CTNNA2: variants seen among roughly 807,000 people sequenced by gnomAD.
The protein encoded by CTNNA2 is catenin alpha-2.
CTNNA2 carries 42 observed loss-of-function variants against 101.0 expected under a neutral mutation model. The observed-to-expected ratio is 0.42, with a 90% confidence interval of 0.32 to 0.54. The LOEUF is 0.54. CTNNA2 is among the 20% of genes least tolerant of loss of function. The pLI, the probability that CTNNA2 is intolerant of heterozygous loss-of-function variation, is 0.14. For synonymous variants in CTNNA2, 450 were observed against 456.4 expected (o/e 0.99, Z 0.18); for missense variants, 871 against 1,223.1 (o/e 0.71, Z 4.29).
intron 14 of CTNNA2, among the ~76,000 whole-genome samples, chr2:80,587,540 G>A (rs899789543): frequency 2.0e-5 from 3 of 152,080 alleles, no homozygotes; most frequent in East Asian, 1.9e-4. Flanking sequence ...AGAGATCAAC[G>A]ATAGATCCAT....
chr2:80,342,678 A>T (rs1384073380), intron 7 of CTNNA2, among the ~76,000 whole-genome samples: 2 of 152,234 alleles, frequency 1.3e-5, no homozygotes, highest in Admixed American at 6.5e-5. Context: ...AAATTATGAA[A>T]AAAAATGCAG....
rs375393951 is a variant in CTNNA2 at position 79,858,080 on chromosome 2, C to T, written c.366C>T (p.Thr122=). The change falls in exon 4 of 19, where the codon ACC becomes ACT. Residue 122 remains threonine, a synonymous_variant. Coordinates refer to ENST00000402739, the MANE Select transcript of CTNNA2 (RefSeq NM_001282597.3). ...DDPCSSVKRG[T]MVRAARALLS... ...CTTGCTCGTCGGTAAAGCGCGGCAC[C>T]ATGGTACGGGCGGCAAGGGCTTTGC... The T allele has an allele frequency of 1.4e-4, 228 of 1,614,194 alleles. 1 individual carries two copies. The highest frequency in any genetic ancestry group is 1.9e-4 in the Non-Finnish European group (219 of 1,180,012).
At chr2:80,359,758 A>C (rs1301369663) in intron 7 of CTNNA2, among the ~76,000 whole-genome samples, 6 of 152,130 alleles carry the variant, frequency 3.9e-5, no homozygotes. Flanking sequence ...GAGCAGTGTA[A>C]GAATGGACTA....
intron 7 of CTNNA2, among the ~76,000 whole-genome samples, chr2:80,016,330 T>C (rs2104064033): frequency 6.6e-6 from 1 of 152,288 alleles, no homozygotes; most frequent in Non-Finnish European, 1.5e-5. Flanking sequence ...GCGACAGTGC[T>C]GAGCGCTGGG....
In CTNNA2 at chr2:80,302,848, G is replaced by T. The variant is rs1160421128; in HGVS notation, c.1057-90363G>T. 2 of 1,614,112 alleles carry T rather than the reference G, an allele frequency of 1.2e-6. No homozygotes were observed. The highest frequency in any genetic ancestry group is 8.5e-7 in the Non-Finnish European group (1 of 1,180,040). On this transcript the variant is annotated intron_variant, in intron 7 of 18. Coordinates refer to ENST00000402739, the MANE Select transcript of CTNNA2 (RefSeq NM_001282597.3). This position sits in a 1 kb window ranked among gnomAD's most constrained non-coding sequence, Gnocchi z 6.4. Reference sequence around the variant, plus strand: ...GGAAGTTGTTGAGCCACGAGGCTAGGGCACACACGTTGCGCCCGCAATCCC... The same window carrying T: ...GGAAGTTGTTGAGCCACGAGGCTAGTGCACACACGTTGCGCCCGCAATCCC...
intron 9 of CTNNA2, among the ~76,000 whole-genome samples, chr2:80,531,754 C>T (rs1202542265): frequency 6.6e-6 from 1 of 152,188 alleles, no homozygotes; most frequent in African/African-American, 2.4e-5. Flanking sequence ...TGTGCTTCTC[C>T]TCGATCCACT....
rs371732273 is a variant in CTNNA2, at chr2:79,767,673, C to A, written c.298+23091C>A. On this transcript the variant is annotated intron_variant, in intron 3 of 18. Coordinates refer to ENST00000402739, the MANE Select transcript of CTNNA2 (RefSeq NM_001282597.3). ...ATTATTAGGCAGAGACTCTTGTTCT[C>A]CTCCCTTCAAGGCAGCAAGTTTCCT... Among the ~76,000 whole-genome samples the A allele has an allele frequency of 2.0e-5, 3 of 151,946 alleles. No individual in the cohort carries two copies. In the East Asian group the frequency reaches 5.9e-4, roughly 30 times the overall value.
chr2:79,981,488 T>G (rs1691264863), intron 7 of CTNNA2, among the ~76,000 whole-genome samples: 2 of 152,182 alleles, frequency 1.3e-5, no homozygotes, highest in Admixed American at 6.6e-5. Context: ...ATTTGTTCAC[T>G]TACCATGAAA....
At chr2:79,540,226 G>A (rs10180019) in intron 1 of CTNNA2, among the ~76,000 whole-genome samples, 109,611 of 152,076 alleles carry the variant, frequency 0.72, 39,943 homozygotes, top group African/African-American at 0.83. Flanking sequence ...GGTTAGGGGT[G>A]TGGGCTGTGT....
At chr2:79,282,521 T>C (rs1317489651) in intron 2 of CTNNA2, among the ~76,000 whole-genome samples, 4 of 151,688 alleles carry the variant, frequency 2.6e-5, no homozygotes. Flanking sequence ...GGTTTTTTGT[T>C]CTTGCGATAG....
At chr2:79,395,699 C>A (rs1678222511) in intron 4 of CTNNA2, among the ~76,000 whole-genome samples, 1 of 152,146 alleles carries the variant, frequency 6.6e-6, no homozygotes, top group Non-Finnish European at 1.5e-5. Context: ...GAGAAAGTTT[C>A]ATCAGCTCTG....
intron 1 of CTNNA2, among the ~76,000 whole-genome samples, chr2:79,629,691 T>C (rs925038566): frequency 6.6e-6 from 1 of 152,170 alleles, no homozygotes; most frequent in African/African-American, 2.4e-5. Context: ...ACAGGCATTA[T>C]GATCTCAGTG....
chr2:79,566,785 G>A (rs912330156), intron 1 of CTNNA2, among the ~76,000 whole-genome samples: 4 of 151,848 alleles, frequency 2.6e-5, no homozygotes, highest in African/African-American at 9.7e-5. Flanking sequence ...ATATGTGCCC[G>A]GTGTGATAAT....
chr2:80,298,566 T>G (rs924728162), intron 7 of CTNNA2: 7 of 152,194 alleles, frequency 4.6e-5, no homozygotes, highest in Non-Finnish European at 1.0e-4. Flanking sequence ...GAGATCTGTG[T>G]GTACTTGCTT....
intron 1 of CTNNA2, among the ~76,000 whole-genome samples, chr2:79,629,293 A>G (rs768811219): frequency 1.3e-5 from 2 of 152,228 alleles, no homozygotes; most frequent in Non-Finnish European, 2.9e-5. Flanking sequence ...CTATCTTCAA[A>G]GCACCTGTTT....
intron 2 of CTNNA2, among the ~76,000 whole-genome samples, chr2:79,271,254 G>C (rs1675075507): frequency 6.6e-6 from 1 of 151,978 alleles, no homozygotes; most frequent in African/African-American, 2.4e-5. Context: ...ATAGAGCCTA[G>C]AGAAGGGGTG....
intron 3 of CTNNA2, among the ~76,000 whole-genome samples, chr2:79,810,642 G>C (rs1403166019): frequency 1.3e-5 from 2 of 150,588 alleles, no homozygotes; most frequent in Admixed American, 6.6e-5. Flanking sequence ...TCATCATTTA[G>C]CATTAGGTAT....
chr2:80,168,225 G>A (rs1704822920), intron 7 of CTNNA2, among the ~76,000 whole-genome samples: 1 of 152,232 alleles, frequency 6.6e-6, no homozygotes, highest in Non-Finnish European at 1.5e-5. Context: ...ACAGCTCTCA[G>A]AAAAGGGAAG....
intron 7 of CTNNA2, among the ~76,000 whole-genome samples, chr2:80,225,586 C>T (rs1035276358): frequency 6.6e-6 from 1 of 152,140 alleles, no homozygotes; most frequent in African/African-American, 2.4e-5. Flanking sequence ...AAACATTCTC[C>T]ATTGCCATAG....
Sources: gnomAD v4.1 joint callset for allele counts (sites outside exome capture counted in the v4.1 genomes callset) on GRCh38, gnomAD v4.1.1 for gene constraint, Gnocchi (gnomAD v3.1) non-coding constraint, MANE v1.5 for transcripts, NCBI Gene and HGNC (gene_info 2026-07-23, HGNC 2026-07-21) for gene names.